FAM107B: variants seen among roughly 807,000 people sequenced by gnomAD.
FAM107B encodes the protein family with sequence similarity 107 member B.
In FAM107B, 21 loss-of-function variants were observed where a neutral mutation model predicts 31.5. The ratio of observed to expected loss-of-function variants is 0.67; its 90% CI spans 0.47 to 0.96. The LOEUF is 0.96. FAM107B is among the 40% of genes least tolerant of loss of function. The pLI, the probability that FAM107B is intolerant of heterozygous loss-of-function variation, is 0.00. For missense variants in FAM107B, 452 were observed against 377.1 expected (o/e 1.20, Z -1.64); for synonymous variants, 157 against 141.5 (o/e 1.11, Z -0.78).
chr10:14,653,661 A>G (rs763991602), intron 2 of FAM107B, among the ~76,000 whole-genome samples: 5 of 152,196 alleles, frequency 3.3e-5, no homozygotes, highest in African/African-American at 7.2e-5. Flanking sequence ...CAGTTGCAAA[A>G]TATTTTGTAA....
At chr10:14,624,149 G>A (rs1418172169) in intron 2 of FAM107B, among the ~76,000 whole-genome samples, 1 of 152,040 alleles carries the variant, frequency 6.6e-6, no homozygotes, top group Admixed American at 6.5e-5. Flanking sequence ...AACCCACAGA[G>A]GATCATTAAA....
intron 1 of FAM107B, among the ~76,000 whole-genome samples, chr10:14,729,875 C>A (rs1333004351): frequency 1.3e-5 from 2 of 152,170 alleles, no homozygotes; most frequent in Admixed American, 6.5e-5. Flanking sequence ...AGAATGAGTT[C>A]ATGTCTTTTG....
intron 2 of FAM107B, chr10:14,553,472 G>C (rs1588565783): frequency 2.6e-6 from 2 of 766,478 alleles, no homozygotes; most frequent in Non-Finnish European, 3.8e-6. Flanking sequence ...TTTCTAAGAA[G>C]CTGAACAAAA....
At chr10:14,750,018 T>C (rs1004851634) in intron 1 of FAM107B, among the ~76,000 whole-genome samples, 1 of 152,094 alleles carries the variant, frequency 6.6e-6, no homozygotes, top group African/African-American at 2.4e-5. Flanking sequence ...CTAAGGCACC[T>C]GGGAACTCCG....
chr10:14,733,175 A>G (rs923500054), intron 1 of FAM107B, among the ~76,000 whole-genome samples: 12 of 151,828 alleles, frequency 7.9e-5, no homozygotes, highest in African/African-American at 1.9e-4. Flanking sequence ...CAAATTGCAT[A>G]CAGCATTTGA....
At chr10:14,611,484 TTATATATATA>T (rs3035276) in intron 2 of FAM107B, among the ~76,000 whole-genome samples, 5,589 of 124,420 alleles carry the variant, frequency 0.045, 146 homozygotes, top group African/African-American at 0.076. Context: ...AATGCCAGTT[TTATATATATA>T]TATATATATA....
At chr10:14,537,898 T>C (rs370038603) in intron 2 of FAM107B, among the ~76,000 whole-genome samples, 13 of 150,758 alleles carry the variant, frequency 8.6e-5, no homozygotes, top group East Asian at 3.9e-4. Context: ...AAGCCTTCAA[T>C]AGACATCACC....
intron 2 of FAM107B, among the ~76,000 whole-genome samples, chr10:14,560,941 A>G (rs1850187538): frequency 6.6e-6 from 1 of 152,172 alleles, no homozygotes; most frequent in African/African-American, 2.4e-5. Context: ...CAATGAGTAC[A>G]AACAGCCAAC....
chr10:14,705,979 G>T (rs750091422), intron 1 of FAM107B, among the ~76,000 whole-genome samples: 2 of 152,120 alleles, frequency 1.3e-5, no homozygotes, highest in East Asian at 3.9e-4. Flanking sequence ...AAGAAAAACC[G>T]CACTCTTGCT....
chr10:14,522,470 G>A (rs916117620), intron 3 of FAM107B, among the ~76,000 whole-genome samples: 6 of 151,316 alleles, frequency 4.0e-5, no homozygotes, highest in Non-Finnish European at 5.9e-5. Flanking sequence ...CTGGAGTGCA[G>A]TGGCAGGCAA....
intron 3 of FAM107B, among the ~76,000 whole-genome samples, chr10:14,528,199 AGAGACAGAGTTTTG>A (rs1846537109): frequency 2.2e-5 from 1 of 45,468 alleles, no homozygotes; most frequent in Non-Finnish European, 3.8e-5. Flanking sequence ...TTTTTTTTTT[AGAGACAGAGTTTTG>A]CTCTGTCACC....
Position 14,767,047 on chromosome 10 carries a change from TATATATATAGAGAG to T in FAM107B, c.411+7192_411+7205del, listed in dbSNP as rs1167662102. 2.4e-3 allele frequency among the ~76,000 whole-genome samples: 90 copies of T among 38,218 alleles called. 1 individual carries two copies. Among genetic ancestry groups the T allele is most frequent in the African/African-American group, 5.7e-3 (67 of 11,682 alleles). The allele number at this position is 38,218 out of a possible 152,430, so 25.1% of individuals were successfully genotyped here. A position where few individuals can be genotyped will look rare whatever the true frequency, so the allele number is the denominator to read the frequency against. Reference sequence around the variant, plus strand: ...ATGTATATATATATATATATATATATATATATATAGAGAGAGAGAGAGAGAGAGAGAGAGAGAGA... The same window carrying T: ...ATGTATATATATATATATATATATATAGAGAGAGAGAGAGAGAGAGAGAGA... On this transcript the variant is annotated intron_variant, in intron 1 of 4. Transcript: ENST00000181796.
chr10:14,661,624 A>G (rs151074229), intron 2 of FAM107B: 1 of 152,130 alleles, frequency 6.6e-6, no homozygotes, highest in Admixed American at 6.6e-5. Context: ...TAGAGGGCAG[A>G]TCGTGGGATT....
intron 2 of FAM107B, among the ~76,000 whole-genome samples, chr10:14,537,294 C>T (rs1847717831): frequency 6.6e-6 from 1 of 152,204 alleles, no homozygotes; most frequent in Non-Finnish European, 1.5e-5. Flanking sequence ...GTCCATGTCA[C>T]CTGGGGGTAT....
intron 1 of FAM107B, among the ~76,000 whole-genome samples, chr10:14,696,318 C>G (rs981280048): frequency 1.3e-5 from 2 of 152,158 alleles, no homozygotes; most frequent in Non-Finnish European, 2.9e-5. Context: ...TAAAACCAGG[C>G]TTGCATGCTA....
At chr10:14,700,753 A>T (rs1158342055) in intron 1 of FAM107B, among the ~76,000 whole-genome samples, 1 of 149,314 alleles carries the variant, frequency 6.7e-6, no homozygotes, top group Non-Finnish European at 1.5e-5. Context: ...CTGACAGCTG[A>T]AGCTACTTGA....
In FAM107B at chr10:14,680,573, C is replaced by CAAAAAAAAAAAAAA. The variant is rs35826993; in HGVS notation, c.412-12896_412-12883dup. 1.2e-4 allele frequency among the ~76,000 whole-genome samples: 16 copies of CAAAAAAAAAAAAAA among 133,980 alleles called. No individual in the cohort carries two copies. In the South Asian group the frequency reaches 3.7e-3, roughly 31 times the overall value. 87.9% of individuals were successfully genotyped at this position (133,980 alleles called of 152,430 possible). A position where few individuals can be genotyped will look rare whatever the true frequency, so the allele number is the denominator to read the frequency against. On this transcript the variant is annotated intron_variant, in intron 1 of 4. Coordinates refer to ENST00000181796, the MANE Select transcript of FAM107B (RefSeq NM_031453.4). ...TGGGCAACAGAGCGAGACTCTGTCT[C>CAAAAAAAAAAAAAA]AAAAAAAAAAAAAAAATGCACAGAG...
At chr10:14,682,676 G>C (rs1258152751) in intron 1 of FAM107B, among the ~76,000 whole-genome samples, 1 of 152,110 alleles carries the variant, frequency 6.6e-6, no homozygotes, top group Non-Finnish European at 1.5e-5. Context: ...TCACTTATAA[G>C]TGGGAGTTGA....
At chr10:14,619,616 T>C (rs1255981752) in intron 2 of FAM107B, among the ~76,000 whole-genome samples, 1 of 151,234 alleles carries the variant, frequency 6.6e-6, no homozygotes, top group African/African-American at 2.4e-5. Context: ...TCTTTTTATT[T>C]CCTTAACAAT....
Sources: gnomAD v4.1 joint callset for allele counts (sites outside exome capture counted in the v4.1 genomes callset) on GRCh38, gnomAD v4.1.1 for gene constraint, MANE v1.5 for transcripts, NCBI Gene and HGNC (gene_info 2026-07-23, HGNC 2026-07-21) for gene names.